CLASRP: variants seen among roughly 807,000 people sequenced by gnomAD.
CLASRP encodes the protein CLK4 associating serine/arginine rich protein.
Under a neutral mutation model 99.9 loss-of-function variants are expected in CLASRP, and 52 were observed. The observed-to-expected ratio is 0.52, with a 90% confidence interval of 0.42 to 0.66. The LOEUF (loss-of-function observed/expected upper bound fraction) is 0.66, where lower values mean the gene tolerates loss of function less well. Among genes scored for constraint, CLASRP ranks in the 30% least tolerant of loss-of-function variants. The pLI is 0.00. For missense variants in CLASRP, 848 were observed against 999.2 expected, an observed-to-expected ratio of 0.85 and a Z score of 2.04; for synonymous variants, 379 against 373.0, an observed-to-expected ratio of 1.02 and a Z score of -0.18.
chr19:45,048,146 C>G (rs1971955958), intron 2 of CLASRP, among the ~76,000 whole-genome samples: 1 of 151,868 alleles, frequency 6.6e-6, no homozygotes, highest in South Asian at 2.1e-4. Flanking sequence ...GTAGTCAGGC[C>G]CATCTGGGTT....
intron 5 of CLASRP, among the ~76,000 whole-genome samples, chr19:45,053,699 C>T (rs890269655): frequency 3.3e-5 from 5 of 152,052 alleles, no homozygotes; most frequent in Non-Finnish European, 7.4e-5. Flanking sequence ...AGGCTGGTCT[C>T]GAACTCTTGA....
At chr19:45,057,278 C>G (rs1046991022) in intron 6 of CLASRP, among the ~76,000 whole-genome samples, 1 of 152,206 alleles carries the variant, frequency 6.6e-6, no homozygotes, top group African/African-American at 2.4e-5. Context: ...TGCTTGCCGC[C>G]TTCCTCCACT....
intron 6 of CLASRP, 74 bp from the exon 7 acceptor site, chr19:45,057,676 C>T (rs1972145053): frequency 6.4e-7 from 1 of 1,569,390 alleles, no homozygotes; most frequent in Non-Finnish European, 8.7e-7. Flanking sequence ...GCACTCGAGA[C>T]TGGTGTGTGG....
intron 18 of CLASRP, chr19:45,069,810 C>T (rs1967191907): frequency 3.5e-6 from 2 of 565,588 alleles, no homozygotes; most frequent in Non-Finnish European, 6.3e-6. Flanking sequence ...CTCTGTTCCC[C>T]AGGCTTTCCT....
In CLASRP at chr19:45,069,063, C is replaced by T; in HGVS notation, c.1769-3C>T. 1 of 1,613,488 alleles carries T rather than the reference C, an allele frequency of 6.2e-7. No individual in the cohort carries two copies. The highest frequency in any genetic ancestry group is 8.5e-7 in the Non-Finnish European group (1 of 1,179,782). On this transcript the variant is annotated splice_region_variant and splice_polypyrimidine_tract_variant and intron_variant, in intron 16 of 20. Coordinates refer to ENST00000221455, the MANE Select transcript of CLASRP (RefSeq NM_007056.3). ...TCAGCCACCCTGTTCTTTCTCTCTA[C>T]AGTCAAGGCGGATAAGAAGGCGGCA...
rs1326257016 is a variant in CLASRP, at chr19:45,068,107, A to G, written c.1707+53A>G. 6.3e-6 allele frequency: 10 copies of G among 1,574,878 alleles called. No homozygotes were observed. The Admixed American group carries it at 1.5e-4, about 24-fold the overall frequency. ...CTAATTCCCGTCAGCAGCAGTGCCC[A>G]AGAGCTGGGCCCGGTGGGCCTGCAG... is the stretch of plus-strand genomic sequence containing the variant. On this transcript the variant is annotated intron_variant, in intron 15 of 20. Coordinates refer to ENST00000221455, the MANE Select transcript of CLASRP (RefSeq NM_007056.3).
Position 45,067,512 on chromosome 19 carries a change from A to G in CLASRP, c.1585A>G (p.Ser529Gly), listed in dbSNP as rs1967117930. 6.3e-7 allele frequency: 1 copy of G among 1,596,624 alleles called. No homozygotes were observed. Among genetic ancestry groups the G allele is most frequent in the African/African-American group, 1.3e-5 (1 of 74,810 alleles). The change falls in exon 14 of 21, where the codon AGC (serine) becomes GGC (glycine). Residue 529 changes from serine (S) to glycine (G), a missense_variant. By Grantham distance (56) the Ser-to-Gly change is moderately conservative. Coordinates refer to ENST00000221455, the MANE Select transcript of CLASRP (RefSeq NM_007056.3). This position sits in a 1 kb window ranked among gnomAD's most constrained non-coding sequence, Gnocchi z 4.9. ...GAGCCGCAGCCGCAGCCGCAGCCGC[A>G]GCCAGAGCCCCTCGCCATCACCCGC... ...SQSRSRSRSR[S>G]QSPSPSPARE...
At chr19:45,066,042 C>T (rs557414382) in intron 13 of CLASRP, among the ~76,000 whole-genome samples, 2 of 152,184 alleles carry the variant, frequency 1.3e-5, no homozygotes, top group African/African-American at 2.4e-5. Context: ...GACCGCTCAG[C>T]AGCAGGTCTA....
At chr19:45,062,033 G>A (rs747266807) in intron 10 of CLASRP, 121 bp from the exon 11 acceptor site, 80 of 738,646 alleles carry the variant, frequency 1.1e-4, no homozygotes, top group Admixed American at 6.1e-4. Flanking sequence ...AACCTGGTCA[G>A]CAGCCCCCTC....
In CLASRP at chr19:45,052,137, G is replaced by A; in HGVS notation, c.166G>A (p.Val56Ile). ...TTGCAAGGTGCACCTGGATTCTGCA[G>A]TCGCCCTGGCCGCTGAGAGCCCTGT... The part of the protein sequence containing the change: ...RACKVHLDSA[V>I]ALAAESPVNM... Residue 56 changes from valine (V) to isoleucine (I), a missense_variant, in exon 3 of 21, where the codon GTC becomes ATC. Physicochemically the swap from Val to Ile is conservative, Grantham distance 29. Coordinates refer to ENST00000221455, the MANE Select transcript of CLASRP (RefSeq NM_007056.3). 6.2e-7 allele frequency: 1 copy of A among 1,614,064 alleles called. No homozygotes were observed. The highest frequency in any genetic ancestry group is 8.5e-7 in the Non-Finnish European group (1 of 1,180,024).
chr19:45,067,638 T>C lies in CLASRP; in HGVS notation c.1667+44T>C. 1.3e-6 allele frequency: 2 copies of C among 1,518,006 alleles called. No individual in the cohort carries two copies. Among genetic ancestry groups the C allele is most frequent in the Non-Finnish European group, 1.8e-6 (2 of 1,122,144 alleles). The allele number at this position is 1,518,006 out of a possible 1,614,324, so 94.0% of individuals were successfully genotyped here. A position where few individuals can be genotyped will look rare whatever the true frequency, so the allele number is the denominator to read the frequency against. On this transcript the variant is annotated intron_variant, in intron 14 of 20. Transcript: ENST00000221455. This position sits in a 1 kb window ranked among gnomAD's most constrained non-coding sequence, Gnocchi z 4.9. ...GAGGAAGAGGGCTGCCAATCTCGGG[T>C]GGGGAGGGTGAACATCACTGTTTTC...
rs1035298861 is a variant in CLASRP at position 45,067,447 on chromosome 19, G to A, written c.1520G>A (p.Ser507Asn). ...TCCCTCAGCCCGTCCCGCAGTCGCAGCCTGACTCGCAGCCGCAGCCATAGC... is the reference window on the plus strand; with the variant it reads ...TCCCTCAGCCCGTCCCGCAGTCGCAACCTGACTCGCAGCCGCAGCCATAGC... Reference protein sequence around the residue: ...SWSLSPSRSRSLTRSRSHSPS... With the variant: ...SWSLSPSRSRNLTRSRSHSPS... The change falls in exon 14 of 21, where the codon AGC (serine) becomes AAC (asparagine). Residue 507 changes from serine to asparagine, a missense_variant. Ser to Asn is a conservative substitution (Grantham distance 46). Transcript: ENST00000221455. The surrounding 1 kb of genome is among the most constrained non-coding windows in gnomAD (Gnocchi z 4.9). 1.9e-6 allele frequency: 3 copies of A among 1,543,948 alleles called. No homozygotes were observed. Among genetic ancestry groups the A allele is most frequent in the Non-Finnish European group, 2.6e-6 (3 of 1,149,056 alleles).
rs182268216 is a variant in CLASRP, at chr19:45,065,713, A to G, written c.1409+1083A>G. ...GGGTCAGGGCTGCCCTGGGAAGGGCAGCGACGCTGGGTTGGTAGGAGCATA... is the reference window on the plus strand; with the variant it reads ...GGGTCAGGGCTGCCCTGGGAAGGGCGGCGACGCTGGGTTGGTAGGAGCATA... On this transcript the variant is annotated intron_variant, in intron 13 of 20. Coordinates refer to ENST00000221455, the MANE Select transcript of CLASRP (RefSeq NM_007056.3). 5.6e-3 allele frequency among the ~76,000 whole-genome samples: 845 copies of G among 152,192 alleles called. 6 individuals carry two copies. Among genetic ancestry groups the G allele is most frequent in the African/African-American group, 0.02 (822 of 41,544 alleles).
Position 45,060,266 on chromosome 19 carries a change from A to G in CLASRP, c.711-123A>G. ...GGTGCTTGATAAGTGGCATTGAATG[A>G]AAGATACCTCAGGCTGGCGTGGGGT... On this transcript the variant is annotated intron_variant, in intron 8 of 20. Coordinates refer to ENST00000221455, the MANE Select transcript of CLASRP (RefSeq NM_007056.3). This position sits in a 1 kb window ranked among gnomAD's most constrained non-coding sequence, Gnocchi z 4.6. The G allele has an allele frequency of 1.3e-6, 1 of 796,308 alleles. No homozygotes were observed. Among genetic ancestry groups the G allele is most frequent in the Non-Finnish European group, 2.2e-6 (1 of 463,894 alleles). 49.3% of individuals were successfully genotyped at this position (796,308 alleles called of 1,614,324 possible). A position where few individuals can be genotyped will look rare whatever the true frequency, so the allele number is the denominator to read the frequency against.
At chr19:45,069,961 C>T in intron 18 of CLASRP, 61 bp from the exon 19 acceptor site, 1 of 922,894 alleles carries the variant, frequency 1.1e-6, no homozygotes. Context: ...GAAGCACCTG[C>T]CCTCCCTGAG....
chr19:45,057,905 T>C lies in CLASRP; in HGVS notation c.613+7T>C, dbSNP rs773532086. 5 of 1,613,264 alleles carry C rather than the reference T, an allele frequency of 3.1e-6. No individual in the cohort carries two copies. The highest frequency in any genetic ancestry group is 4.2e-6 in the Non-Finnish European group (5 of 1,179,884). ...GAGGTCATCCCCGACATCGGTGGGG[T>C]CCCCTCTCTGCCCTCCCCACCTGCA... On this transcript the variant is annotated splice_region_variant and intron_variant, in intron 7 of 20. Coordinates refer to ENST00000221455, the MANE Select transcript of CLASRP (RefSeq NM_007056.3).
chr19:45,066,234 C>T (rs574280376), intron 13 of CLASRP, among the ~76,000 whole-genome samples: 3 of 152,100 alleles, frequency 2.0e-5, no homozygotes, highest in East Asian at 2.0e-4. Flanking sequence ...ATTCTCCCGC[C>T]GCAGCCTCCC....
At position 45,070,878 on chromosome 19, in the gene CLASRP, G is replaced by A. The variant is rs1967229706; in HGVS notation, c.*33G>A. On this transcript the variant is annotated 3_prime_UTR_variant, in exon 21 of 21. Transcript: ENST00000221455. Reference sequence around the variant, plus strand: ...AGTGGGGGGTGGGGAGGACAAGGGGGTGGGTAAGGGGCTCAAGCTGTGATG... The same window carrying A: ...AGTGGGGGGTGGGGAGGACAAGGGGATGGGTAAGGGGCTCAAGCTGTGATG... 2.4e-6 allele frequency: 3 copies of A among 1,246,222 alleles called. No individual in the cohort carries two copies. The highest frequency in any genetic ancestry group is 2.3e-6 in the Non-Finnish European group (2 of 865,042). The allele number at this position is 1,246,222 out of a possible 1,614,324, so 77.2% of individuals were successfully genotyped here. A position where few individuals can be genotyped will look rare whatever the true frequency, so the allele number is the denominator to read the frequency against.
chr19:45,070,200 C>A, intron 19 of CLASRP, 96 bp downstream of exon 19: 1 of 814,442 alleles, frequency 1.2e-6, no homozygotes, highest in Admixed American at 1.8e-5. Flanking sequence ...GGCGCGGTGG[C>A]TCACGCCTGT....
Sources: gnomAD v4.1 joint callset for allele counts (sites outside exome capture counted in the v4.1 genomes callset) on GRCh38, gnomAD v4.1.1 for gene constraint, Gnocchi (gnomAD v3.1) non-coding constraint, MANE v1.5 for transcripts, NCBI Gene and HGNC (gene_info 2026-07-23, HGNC 2026-07-21) for gene names.